ROR1: variants seen among roughly 807,000 people sequenced by gnomAD.
ROR1 encodes ROR family WNT receptor 1, also known as inactive tyrosine-protein kinase transmembrane receptor ROR1.
Under a neutral mutation model 78.8 loss-of-function variants are expected in ROR1, and 19 were observed. The ratio of observed to expected loss-of-function variants is 0.24; its 90% confidence interval spans 0.17 to 0.35. The LOEUF (loss-of-function observed/expected upper bound fraction) is 0.35. Ranked by LOEUF, ROR1 falls within the 10% of genes least tolerant of loss-of-function variation. ROR1 has a pLI of 1.00. For missense variants in ROR1, 917 were observed against 1,177.8 expected (o/e 0.78, Z 3.24); for synonymous variants, 386 against 433.6 (o/e 0.89, Z 1.36).
intron 1 of ROR1, among the ~76,000 whole-genome samples, chr1:63,856,195 G>A (rs919181016): frequency 1.3e-4 from 20 of 151,222 alleles, no homozygotes; most frequent in Admixed American, 4.6e-4. Flanking sequence ...GGCTATTTTT[G>A]TATTCCTACA....
intron 4 of ROR1, among the ~76,000 whole-genome samples, chr1:64,121,919 A>AGCTACTTCTTCCTCTTTAAACTGT (rs1648557098): frequency 6.6e-6 from 1 of 152,198 alleles, no homozygotes; most frequent in Admixed American, 6.5e-5. Flanking sequence ...CATTATGGTT[A>AGCTACTTCTTCCTCTTTAAACTGT]GCTACTTCTT....
chr1:63,792,350 G>A (rs948260724), intron 1 of ROR1, among the ~76,000 whole-genome samples: 1 of 152,170 alleles, frequency 6.6e-6, no homozygotes, highest in Admixed American at 6.5e-5. Context: ...ACCCTATTCG[G>A]TAGGTCCTAT....
intron 4 of ROR1, among the ~76,000 whole-genome samples, chr1:64,130,862 T>C (rs1161721084): frequency 6.6e-6 from 1 of 152,148 alleles, no homozygotes; most frequent in Non-Finnish European, 1.5e-5. Context: ...TGTTTGCCCC[T>C]CCCAAGGGAG....
chr1:64,175,577 C>T (rs1162301585), intron 8 of ROR1, among the ~76,000 whole-genome samples: 1 of 152,170 alleles, frequency 6.6e-6, no homozygotes, highest in Non-Finnish European at 1.5e-5. Flanking sequence ...CTTTCTAAAA[C>T]TCATTTCCAA....
chr1:64,133,753 A>T (rs1569830823), intron 4 of ROR1, among the ~76,000 whole-genome samples: 1 of 152,198 alleles, frequency 6.6e-6, no homozygotes, highest in South Asian at 2.1e-4. Context: ...GGGCACGCTC[A>T]CTGCAAGTGC....
chr1:63,861,008 G>A lies in ROR1; in HGVS notation c.91+86500G>A, dbSNP rs149012211. ...CCTTCCCTTCTCTTGACACACGGTT[G>A]GTAATGGCCAAGATTCTGTTTTGCC... On this transcript the variant is annotated intron_variant, in intron 1 of 8. Transcript: ENST00000371079. 2.6e-5 allele frequency among the ~76,000 whole-genome samples: 4 copies of A among 152,196 alleles called. No homozygotes were observed. The East Asian group carries it at 5.8e-4, about 22-fold the overall frequency.
intron 1 of ROR1, among the ~76,000 whole-genome samples, chr1:63,810,864 A>G (rs1644856236): frequency 6.6e-6 from 1 of 152,240 alleles, no homozygotes; most frequent in South Asian, 2.1e-4. Context: ...ATCTTTTAAG[A>G]AGTAAATAAC....
intron 1 of ROR1, among the ~76,000 whole-genome samples, chr1:63,840,210 C>T (rs1365580918): frequency 6.6e-6 from 1 of 151,898 alleles, no homozygotes; most frequent in African/African-American, 2.4e-5. Flanking sequence ...AATCTTCCTC[C>T]CTTTACAGTT....
At chr1:63,853,821 A>G (rs774770332) in intron 1 of ROR1, among the ~76,000 whole-genome samples, 1 of 152,254 alleles carries the variant, frequency 6.6e-6, no homozygotes, top group Non-Finnish European at 1.5e-5. Context: ...ATAAAGGATC[A>G]TTCCACATCC....
intron 1 of ROR1, among the ~76,000 whole-genome samples, chr1:63,916,095 C>G (rs184622704): frequency 4.6e-5 from 7 of 152,310 alleles, no homozygotes; most frequent in African/African-American, 1.7e-4. Flanking sequence ...AAGCTTATAG[C>G]TGAAAACAAA....
intron 8 of ROR1, among the ~76,000 whole-genome samples, chr1:64,177,096 T>A (rs1557685397): frequency 6.6e-6 from 1 of 152,230 alleles, no homozygotes; most frequent in Non-Finnish European, 1.5e-5. Flanking sequence ...TCAGTAGGTC[T>A]GAGGTGGGCC....
At chr1:64,150,531 A>G (rs148154378) in intron 7 of ROR1, among the ~76,000 whole-genome samples, 196 of 152,370 alleles carry the variant, frequency 1.3e-3, no homozygotes, top group East Asian at 0.01. Flanking sequence ...TTGCTCTGTC[A>G]GCAGCCTTCT....
intron 1 of ROR1, chr1:63,789,176 C>T: frequency 1.7e-6 from 1 of 597,122 alleles, no homozygotes; most frequent in Non-Finnish European, 3.2e-6. Context: ...CTTTGATCAG[C>T]TTCCAGATCT....
At chr1:64,043,522 C>T (rs570895196) in intron 2 of ROR1, among the ~76,000 whole-genome samples, 13 of 152,184 alleles carry the variant, frequency 8.5e-5, no homozygotes, top group Non-Finnish European at 1.9e-4. Context: ...TTAAAAAGCT[C>T]ATTCTCAATG....
intron 4 of ROR1, among the ~76,000 whole-genome samples, chr1:64,074,124 C>A (rs989115372): frequency 2.0e-5 from 3 of 152,096 alleles, no homozygotes; most frequent in African/African-American, 7.2e-5. Context: ...TTTTCCTTTG[C>A]GGAAAACCAC....
At chr1:64,039,265 G>C (rs1176152829) in intron 2 of ROR1, among the ~76,000 whole-genome samples, 1 of 152,194 alleles carries the variant, frequency 6.6e-6, no homozygotes, top group Non-Finnish European at 1.5e-5. Flanking sequence ...TGAAACTGGA[G>C]TGTCAGCCTT....
chr1:64,134,457 G>A (rs1649032155), intron 4 of ROR1, among the ~76,000 whole-genome samples: 1 of 152,164 alleles, frequency 6.6e-6, no homozygotes, highest in Admixed American at 6.5e-5. Flanking sequence ...ATTTGAGCAA[G>A]TTACTTAACT....
chr1:64,158,187 A>G (rs1649829078), intron 7 of ROR1, among the ~76,000 whole-genome samples: 1 of 152,122 alleles, frequency 6.6e-6, no homozygotes, highest in African/African-American at 2.4e-5. Flanking sequence ...GGGATATAAG[A>G]TTTCAAAAAT....
At chr1:63,874,368 C>A (rs1645270253) in intron 1 of ROR1, among the ~76,000 whole-genome samples, 1 of 151,850 alleles carries the variant, frequency 6.6e-6, no homozygotes, top group African/African-American at 2.4e-5. Flanking sequence ...TAATTAAGAG[C>A]TGTAATTTGT....
Sources: allele counts gnomAD v4.1 joint callset (sites outside exome capture counted in the v4.1 genomes callset), GRCh38; gene constraint gnomAD v4.1.1; transcripts MANE v1.5; gene names NCBI Gene and HGNC (gene_info 2026-07-23, HGNC 2026-07-21).